The following BCAS3 variants were observed in gnomAD, a reference collection of about 807,000 sequenced individuals.
BCAS3 encodes BCAS4/BCAS3 fusion.
BCAS3 carries 53 observed loss-of-function variants against 116.1 expected under a neutral mutation model. The observed-to-expected ratio is 0.46, with a 90% confidence interval of 0.37 to 0.57. The LOEUF is 0.57. BCAS3 is among the 20% of genes least tolerant of loss of function. The pLI is 0.00. For missense variants in BCAS3, 917 were observed against 1,165.4 expected, an observed-to-expected ratio of 0.79 and a Z score of 3.10; for synonymous variants, 391 against 408.2, an observed-to-expected ratio of 0.96 and a Z score of 0.51.
At chr17:60,918,582 TTTTTTCTTTTTC>T in intron 12 of BCAS3, among the ~76,000 whole-genome samples, 1 of 152,284 alleles carries the variant, frequency 6.6e-6, no homozygotes, top group Non-Finnish European at 1.5e-5. Flanking sequence ...TCTTCATTCT[TTTTTTCTTTTTC>T]TTTTTCTTTT....
chr17:61,137,306 C>G (rs2076695671), intron 22 of BCAS3, among the ~76,000 whole-genome samples: 1 of 152,204 alleles, frequency 6.6e-6, no homozygotes. Context: ...TGTCTAGTTT[C>G]AAAGCCTGTA....
At chr17:60,815,781 A>C (rs1356999740) in intron 7 of BCAS3, among the ~76,000 whole-genome samples, 4 of 152,230 alleles carry the variant, frequency 2.6e-5, no homozygotes, top group African/African-American at 9.7e-5. Flanking sequence ...ACACATAATC[A>C]TGAAGTGTCT....
Position 60,740,741 on chromosome 17 carries a change from C to T in BCAS3, c.322-6457C>T, listed in dbSNP as rs143399279. The stretch of plus-strand genomic sequence containing the variant: ...GAGGAGATTGGATTTGGGTATTTAC[C>T]TTTCCCCAGGTAGGTTAAGCTCTGA... On this transcript the variant is annotated intron_variant, in intron 5 of 23. Transcript: ENST00000407086. Among the ~76,000 whole-genome samples the T allele has an allele frequency of 1.3e-3, 198 of 152,148 alleles. 1 individual carries two copies. Among genetic ancestry groups the T allele is most frequent in the African/African-American group, 4.6e-3 (190 of 41,514 alleles).
Position 61,241,671 on chromosome 17 carries a change from A to G in BCAS3, c.2426-126656A>G, listed in dbSNP as rs1309281393. Among the ~76,000 whole-genome samples the G allele has an allele frequency of 2.0e-5, 3 of 152,130 alleles. No homozygotes were observed. Among genetic ancestry groups the G allele is most frequent in the African/African-American group, 4.8e-5 (2 of 41,456 alleles). On this transcript the variant is annotated intron_variant, in intron 22 of 23. Coordinates refer to ENST00000407086, the MANE Select transcript of BCAS3 (RefSeq NM_017679.5). The surrounding 1 kb of genome is among the most constrained non-coding windows in gnomAD (Gnocchi z 4.6). ...GAGCCAGAGCTTGCAGTGAGCCGAGATCGTGCCAGTGCACTCCAGCCTGGG... is the reference window on the plus strand; with the variant it reads ...GAGCCAGAGCTTGCAGTGAGCCGAGGTCGTGCCAGTGCACTCCAGCCTGGG...
At position 61,265,359 on chromosome 17, in the gene BCAS3, G is replaced by A. The variant is rs1055792781; in HGVS notation, c.2426-102968G>A. ...GCAGAGGTTGCAGTGAGCCGAGATC[G>A]CACCATTGCACTCCAGCCTGGGTAA... On this transcript the variant is annotated intron_variant, in intron 22 of 23. Transcript: ENST00000407086. The surrounding 1 kb of genome is among the most constrained non-coding windows in gnomAD (Gnocchi z 4.3). Among the ~76,000 whole-genome samples, 10 of 151,256 alleles carry A rather than the reference G, an allele frequency of 6.6e-5. No homozygotes were observed. Among genetic ancestry groups the A allele is most frequent in the Non-Finnish European group, 1.2e-4 (8 of 67,910 alleles).
chr17:60,765,955 C>T (rs1405533192), intron 6 of BCAS3, among the ~76,000 whole-genome samples: 1 of 152,116 alleles, frequency 6.6e-6, no homozygotes, highest in East Asian at 1.9e-4. Flanking sequence ...TCACTGATAT[C>T]CTTTCTTCCA....
At chr17:60,729,737 C>T (rs931866006) in intron 5 of BCAS3, among the ~76,000 whole-genome samples, 8 of 152,132 alleles carry the variant, frequency 5.3e-5, no homozygotes, top group African/African-American at 1.9e-4. Context: ...TGGAAAGAGG[C>T]GATGAACCAA....
In BCAS3 at chr17:61,196,196, G is replaced by A. The variant is rs2080467775; in HGVS notation, c.2425+111632G>A. Reference sequence around the variant, plus strand: ...GTGTAGTCTGAACTACTAGAGAGACGTTATTCCGTAACACAGTGAATCTCA... The same window carrying A: ...GTGTAGTCTGAACTACTAGAGAGACATTATTCCGTAACACAGTGAATCTCA... On this transcript the variant is annotated intron_variant, in intron 22 of 23. Transcript: ENST00000407086. The surrounding 1 kb of genome is among the most constrained non-coding windows in gnomAD (Gnocchi z 4.7). Among the ~76,000 whole-genome samples the A allele has an allele frequency of 1.3e-5, 2 of 152,136 alleles. No homozygotes were observed. The highest frequency in any genetic ancestry group is 4.8e-5 in the African/African-American group (2 of 41,408).
chr17:60,824,251 G>C (rs1334955588), intron 7 of BCAS3, among the ~76,000 whole-genome samples: 1 of 152,176 alleles, frequency 6.6e-6, no homozygotes, highest in Non-Finnish European at 1.5e-5. Flanking sequence ...TTATAATTAT[G>C]TTGAGCTGTT....
At chr17:61,267,538 GA>G (rs1275254165) in intron 22 of BCAS3, among the ~76,000 whole-genome samples, 2 of 150,856 alleles carry the variant, frequency 1.3e-5, no homozygotes, top group Non-Finnish European at 3.0e-5. Flanking sequence ...AGGAGTTCGA[GA>G]CCAGCCTGGC....
At chr17:61,345,086 A>G (rs1390888518) in intron 22 of BCAS3, among the ~76,000 whole-genome samples, 1 of 152,196 alleles carries the variant, frequency 6.6e-6, no homozygotes, top group Admixed American at 6.5e-5. Context: ...GATGCCACTC[A>G]GCCTCACACA....
intron 4 of BCAS3, among the ~76,000 whole-genome samples, chr17:60,705,218 C>T (rs534917668): frequency 6.6e-6 from 1 of 152,236 alleles, no homozygotes; most frequent in East Asian, 1.9e-4. Flanking sequence ...TAGATACCAT[C>T]AAGAAAGTCA....
At chr17:60,787,249 G>GATAGC (rs577157573) in intron 6 of BCAS3, among the ~76,000 whole-genome samples, 26 of 152,246 alleles carry the variant, frequency 1.7e-4, no homozygotes, top group African/African-American at 6.3e-4. Flanking sequence ...CCCCTGTAAA[G>GATAGC]ATAGCATTTC....
Position 61,343,825 on chromosome 17 carries a change from G to A in BCAS3, c.2426-24502G>A, listed in dbSNP as rs1325167460. 1.3e-5 allele frequency among the ~76,000 whole-genome samples: 2 copies of A among 152,220 alleles called. No homozygotes were observed. Among genetic ancestry groups the A allele is most frequent in the African/African-American group, 2.4e-5 (1 of 41,448 alleles). On this transcript the variant is annotated intron_variant, in intron 22 of 23. Coordinates refer to ENST00000407086, the MANE Select transcript of BCAS3 (RefSeq NM_017679.5). The surrounding 1 kb of genome is among the most constrained non-coding windows in gnomAD (Gnocchi z 5.5). ...CCTGGAGAGAGAGAAGCAAATCTGT[G>A]TCAGCGTTCTTTGCTCAGTTCTGCT...
At chr17:60,913,057 T>G (rs1234507204) in intron 12 of BCAS3, among the ~76,000 whole-genome samples, 1 of 152,068 alleles carries the variant, frequency 6.6e-6, no homozygotes. Flanking sequence ...TTTCTTTAAG[T>G]TCATTAACTT....
At chr17:60,935,651 T>G (rs1406803937) in intron 13 of BCAS3, among the ~76,000 whole-genome samples, 1 of 152,240 alleles carries the variant, frequency 6.6e-6, no homozygotes, top group Admixed American at 6.5e-5. Flanking sequence ...ATACCCAAAA[T>G]GTGTTAACTG....
Position 61,038,064 on chromosome 17 carries a change from CT to C in BCAS3, c.1928+14del, listed in dbSNP as rs1568185602. ...GCTGGACTCTGGTTAGGTAGTACCT[CT>C]TTTCTTTTTTTCTTTTTAACAGCTT... is the stretch of plus-strand genomic sequence containing the variant. On this transcript the variant is annotated intron_variant, in intron 18 of 23. Transcript: ENST00000407086. The C allele has an allele frequency of 6.2e-7, 1 of 1,604,148 alleles. No individual in the cohort carries two copies. The highest frequency in any genetic ancestry group is 8.5e-7 in the Non-Finnish European group (1 of 1,176,632).
At chr17:60,980,010 T>A (rs1239668006) in intron 14 of BCAS3, among the ~76,000 whole-genome samples, 1 of 152,140 alleles carries the variant, frequency 6.6e-6, no homozygotes, top group Non-Finnish European at 1.5e-5. Context: ...GCTGGCCTCA[T>A]AAAATGAGTT....
chr17:61,142,975 TC>T (rs1345230148), intron 22 of BCAS3, among the ~76,000 whole-genome samples: 1 of 152,240 alleles, frequency 6.6e-6, no homozygotes, highest in Non-Finnish European at 1.5e-5. Context: ...AGAAGCTTTT[TC>T]TTCTAGCATT....
Sources: gnomAD v4.1 joint callset for allele counts (sites outside exome capture counted in the v4.1 genomes callset) on GRCh38, gnomAD v4.1.1 for gene constraint, Gnocchi (gnomAD v3.1) non-coding constraint, MANE v1.5 for transcripts, NCBI Gene and HGNC (gene_info 2026-07-23, HGNC 2026-07-21) for gene names.